The following ZBTB7C variants were observed in gnomAD, a reference collection of about 807,000 sequenced individuals.
ZBTB7C encodes zinc finger and BTB domain containing 7C.
Under a neutral mutation model 25.7 loss-of-function variants are expected in ZBTB7C, and 8 were observed. The ratio of observed to expected loss-of-function variants is 0.31; its 90% CI spans 0.18 to 0.56. The LOEUF (loss-of-function observed/expected upper bound fraction) is 0.56. ZBTB7C is among the 20% of genes least tolerant of loss of function. The probability of loss-of-function intolerance (pLI) is 0.91; values close to 1 mark genes in which losing one functional copy is unlikely to be tolerated. For missense variants in ZBTB7C, 824 were observed against 855.2 expected (o/e 0.96, Z 0.46); for synonymous variants, 394 against 369.0 (o/e 1.07, Z -0.78).
chr18:48,266,606 G>A (rs1389860714), intron 2 of ZBTB7C, among the ~76,000 whole-genome samples: 17 of 152,170 alleles, frequency 1.1e-4, no homozygotes, highest in Admixed American at 1.0e-3. Flanking sequence ...TAGCAGTGCT[G>A]CTCTCAGCAA....
At chr18:48,367,339 T>C (rs892558579) in intron 1 of ZBTB7C, among the ~76,000 whole-genome samples, 1 of 70,860 alleles carries the variant, frequency 1.4e-5, no homozygotes, top group East Asian at 4.6e-4. Context: ...TATATACATA[T>C]ATGTGTGCAT....
At chr18:48,046,526 C>T (rs1169834574) in intron 3 of ZBTB7C, among the ~76,000 whole-genome samples, 3 of 152,234 alleles carry the variant, frequency 2.0e-5, no homozygotes, top group Non-Finnish European at 4.4e-5. Context: ...TTCTTGCTTG[C>T]TAAGGGCTTA....
At chr18:48,167,322 A>T (rs1243760603) in intron 3 of ZBTB7C, among the ~76,000 whole-genome samples, 1 of 152,150 alleles carries the variant, frequency 6.6e-6, no homozygotes, top group Non-Finnish European at 1.5e-5. Flanking sequence ...GAACTCAGCC[A>T]TTCTGAGCCT....
At chr18:48,125,172 C>T (rs1393700975) in intron 3 of ZBTB7C, among the ~76,000 whole-genome samples, 1 of 152,232 alleles carries the variant, frequency 6.6e-6, no homozygotes, top group East Asian at 1.9e-4. Context: ...ATGATTATCC[C>T]ACTGAACAGA....
chr18:48,286,437 C>A (rs1210770064), intron 2 of ZBTB7C, among the ~76,000 whole-genome samples: 1 of 151,908 alleles, frequency 6.6e-6, no homozygotes, highest in African/African-American at 2.4e-5. Context: ...AGAGACAGCA[C>A]CACTCATAAG....
chr18:48,351,316 T>C (rs2046857645), intron 1 of ZBTB7C, among the ~76,000 whole-genome samples: 1 of 152,086 alleles, frequency 6.6e-6, no homozygotes. Flanking sequence ...TGGACTCTTG[T>C]TGGTGACGGG....
chr18:48,092,724 C>G (rs1053083220), intron 3 of ZBTB7C, among the ~76,000 whole-genome samples: 4 of 152,304 alleles, frequency 2.6e-5, no homozygotes, highest in Non-Finnish European at 4.4e-5. Context: ...AGATGAAAGG[C>G]CTTGACCCAC....
intron 3 of ZBTB7C, among the ~76,000 whole-genome samples, chr18:48,123,184 C>A (rs2039688304): frequency 6.6e-6 from 1 of 152,136 alleles, no homozygotes; most frequent in Non-Finnish European, 1.5e-5. Context: ...CAAGTGATCA[C>A]ATGATAGGGG....
At position 48,394,792 on chromosome 18, in the gene ZBTB7C, G is replaced by A. The variant is rs544364503; in HGVS notation, c.-304+14434C>T. Among the ~76,000 whole-genome samples, 11 of 152,288 alleles carry A rather than the reference G, an allele frequency of 7.2e-5. No homozygotes were observed. In the South Asian group the frequency reaches 1.2e-3, roughly 17 times the overall value. On this transcript the variant is annotated intron_variant, in intron 1 of 4. Coordinates refer to ENST00000590800, the MANE Select transcript of ZBTB7C (RefSeq NM_001318841.2). Reference sequence around the variant, plus strand: ...AGATTTTTCTGTAGAGATCTTTACAGCTATTTGAAATTATGAACCCATAAT... The same window carrying A: ...AGATTTTTCTGTAGAGATCTTTACAACTATTTGAAATTATGAACCCATAAT...
chr18:48,348,233 C>G (rs1417669547), intron 1 of ZBTB7C, among the ~76,000 whole-genome samples: 3 of 152,188 alleles, frequency 2.0e-5, no homozygotes, highest in African/African-American at 7.2e-5. Flanking sequence ...GAGCAGAAGG[C>G]AAGTTCAGAT....
chr18:48,308,029 T>C (rs1030137084), intron 2 of ZBTB7C, among the ~76,000 whole-genome samples: 6 of 152,122 alleles, frequency 3.9e-5, no homozygotes, highest in Non-Finnish European at 7.3e-5. Flanking sequence ...CATAAGACCA[T>C]GCCAATCTAT....
At chr18:48,261,575 A>G (rs907319679) in intron 2 of ZBTB7C, among the ~76,000 whole-genome samples, 5 of 152,200 alleles carry the variant, frequency 3.3e-5, no homozygotes, top group Admixed American at 1.3e-4. Context: ...GTTCATCTGA[A>G]GGATACCCCT....
intron 4 of ZBTB7C, among the ~76,000 whole-genome samples, chr18:48,032,411 G>A (rs1217197615): frequency 4.3e-5 from 6 of 140,260 alleles, no homozygotes; most frequent in South Asian, 2.3e-4. Context: ...CACTGTGCCC[G>A]GACAAGGTAG....
chr18:48,217,739 C>T (rs1244494597), intron 2 of ZBTB7C, among the ~76,000 whole-genome samples: 1 of 152,152 alleles, frequency 6.6e-6, no homozygotes, highest in Non-Finnish European at 1.5e-5. Flanking sequence ...ATCACTAGGC[C>T]GTGTCTCATA....
chr18:48,324,421 G>T (rs751231891), intron 2 of ZBTB7C, among the ~76,000 whole-genome samples: 9 of 151,926 alleles, frequency 5.9e-5, no homozygotes, highest in Non-Finnish European at 1.0e-4. Flanking sequence ...CCAGTGAGGA[G>T]GTGGATTAGG....
intron 3 of ZBTB7C, among the ~76,000 whole-genome samples, chr18:48,063,610 A>G (rs746295986): frequency 1.3e-5 from 2 of 152,228 alleles, no homozygotes; most frequent in Non-Finnish European, 2.9e-5. Context: ...AGGAGAGGTG[A>G]CAGTATGTGT....
At chr18:48,076,810 G>T in intron 3 of ZBTB7C, 1 of 414,116 alleles carries the variant, frequency 2.4e-6, no homozygotes, top group Non-Finnish European at 3.2e-6. Context: ...AAAATGCACT[G>T]CTCTGCTGAG....
chr18:48,320,648 A>G (rs1012496197), intron 2 of ZBTB7C, among the ~76,000 whole-genome samples: 2 of 152,168 alleles, frequency 1.3e-5, no homozygotes, highest in African/African-American at 4.8e-5. Flanking sequence ...GCAATATAAA[A>G]TCTACCCTAA....
chr18:48,258,914 C>G (rs937160649), intron 2 of ZBTB7C, among the ~76,000 whole-genome samples: 6 of 152,174 alleles, frequency 3.9e-5, no homozygotes, highest in Non-Finnish European at 7.3e-5. Flanking sequence ...GCCTCAGCCT[C>G]CCAAAGTGCT....
Sources: gnomAD v4.1 joint callset for allele counts (sites outside exome capture counted in the v4.1 genomes callset) on GRCh38, gnomAD v4.1.1 for gene constraint, MANE v1.5 for transcripts, NCBI Gene and HGNC (gene_info 2026-07-23, HGNC 2026-07-21) for gene names.